The following PCDHGA8 variants were observed in gnomAD, a reference collection of about 807,000 sequenced individuals.
PCDHGA8 encodes protocadherin gamma-A8.
In PCDHGA8, 45 loss-of-function variants were observed where a neutral mutation model predicts 59.2. That is an observed-to-expected ratio of 0.76 (90% CI 0.60 to 0.98). The LOEUF is 0.98. PCDHGA8 is among the 50% of genes least tolerant of loss of function. The pLI, the probability that PCDHGA8 is intolerant of heterozygous loss-of-function variation, is 0.00. For missense variants in PCDHGA8, 1,257 were observed against 1,196.2 expected, an observed-to-expected ratio of 1.05 and a Z score of -0.75; for synonymous variants, 531 against 519.0, an observed-to-expected ratio of 1.02 and a Z score of -0.32.
At position 141,476,746 on chromosome 5, in the gene PCDHGA8, C is replaced by A; in HGVS notation, c.2425-18061C>A. 1 of 1,614,068 alleles carries A rather than the reference C, an allele frequency of 6.2e-7. No homozygotes were observed. On this transcript the variant is annotated intron_variant, in intron 1 of 3. Transcript: ENST00000398604. The surrounding 1 kb of genome is among the most constrained non-coding windows in gnomAD (Gnocchi z 7.6). ...TGGACCGAGAACGGGAGCCTAGTCT[C>A]CAGTTAGTGCTGACGGCGTTGGACG...
At position 141,392,860 on chromosome 5, in the gene PCDHGA8, T is replaced by A. The variant is rs726684; in HGVS notation, c.47T>A (p.Leu16Gln). Residue 16 changes from leucine (L) to glutamine (Q), a missense_variant, in exon 1 of 4, where the codon CTG (leucine) becomes CAG (glutamine). Transcript: ENST00000398604. ...SRPRRGELILLCALLGTLWEI... is the reference protein window; with the variant it reads ...SRPRRGELILQCALLGTLWEI... ...CCCAGACGCGGCGAGCTGATCCTGC[T>A]GTGCGCGCTGCTGGGAACGCTGTGG... 2.5e-6 allele frequency: 4 copies of A among 1,612,016 alleles called. No individual in the cohort carries two copies. Among genetic ancestry groups the A allele is most frequent in the Admixed American group, 3.4e-5 (2 of 59,682 alleles).
rs1029080327 is a variant in PCDHGA8 at position 141,512,737 on chromosome 5, G to C, written c.*1564G>C. 6.5e-5 allele frequency: 10 copies of C among 152,868 alleles called. No individual in the cohort carries two copies. The highest frequency in any genetic ancestry group is 2.4e-4 in the African/African-American group (10 of 41,472). 9.5% of individuals were successfully genotyped at this position (152,868 alleles called of 1,614,324 possible). On this transcript the variant is annotated 3_prime_UTR_variant, in exon 4 of 4. Transcript: ENST00000398604. Reference sequence around the variant, plus strand: ...ATGGCGGGTGGGCAGCGGGCGGCGGGCTCCGCGCAGCCGTCTGTCCTTGAT... The same window carrying C: ...ATGGCGGGTGGGCAGCGGGCGGCGGCCTCCGCGCAGCCGTCTGTCCTTGAT...
At chr5:141,410,260 T>C in intron 1 of PCDHGA8, 1 of 1,614,054 alleles carries the variant, frequency 6.2e-7, no homozygotes, top group Non-Finnish European at 8.5e-7. Context: ...ACCCCCAGGC[T>C]GAACTGCAGT....
intron 1 of PCDHGA8, among the ~76,000 whole-genome samples, chr5:141,450,829 A>AT (rs373424450): frequency 7.2e-4 from 97 of 135,128 alleles, no homozygotes; most frequent in East Asian, 1.8e-3. Flanking sequence ...TATTATTATT[A>AT]TTTTTTTTTT....
intron 1 of PCDHGA8, chr5:141,415,073 C>G: frequency 1.9e-6 from 3 of 1,613,434 alleles, no homozygotes; most frequent in Non-Finnish European, 2.5e-6. Flanking sequence ...GTGCGCACGG[C>G]GCGAGCCCTG....
chr5:141,476,551 C>A lies in PCDHGA8; in HGVS notation c.2425-18256C>A, dbSNP rs367700651. 6.2e-7 allele frequency: 1 copy of A among 1,614,196 alleles called. No individual in the cohort carries two copies. The highest frequency in any genetic ancestry group is 1.7e-5 in the Admixed American group (1 of 60,028). ...CCCAGGAAATGAAATTGGAGATTAG[C>A]GAGGCCGTGGCTCCGGGGACGCGCT... On this transcript the variant is annotated intron_variant, in intron 1 of 3. Transcript: ENST00000398604. This position sits in a 1 kb window ranked among gnomAD's most constrained non-coding sequence, Gnocchi z 7.6.
chr5:141,414,251 C>T, intron 1 of PCDHGA8: 3 of 1,613,346 alleles, frequency 1.9e-6, no homozygotes, highest in Non-Finnish European at 2.5e-6. Context: ...CTATTTAGTC[C>T]AGTGACTGAA....
At chr5:141,423,444 A>C (rs1340932902) in intron 1 of PCDHGA8, 1 of 1,614,050 alleles carries the variant, frequency 6.2e-7, no homozygotes. Flanking sequence ...TGCCCACGTC[A>C]CATTTTGTAG....
At position 141,491,117 on chromosome 5, in the gene PCDHGA8, G is replaced by A; in HGVS notation, c.2425-3690G>A. ...CTGTTCCTCGTGTCTACACACACTGGTGAGGTGCGCACAGCCCGGGCCTTA... is the reference window on the plus strand; with the variant it reads ...CTGTTCCTCGTGTCTACACACACTGATGAGGTGCGCACAGCCCGGGCCTTA... On this transcript the variant is annotated intron_variant, in intron 1 of 3. Coordinates refer to ENST00000398604, the MANE Select transcript of PCDHGA8 (RefSeq NM_032088.2). The surrounding 1 kb of genome is among the most constrained non-coding windows in gnomAD (Gnocchi z 6.9). 1 of 1,614,196 alleles carries A rather than the reference G, an allele frequency of 6.2e-7. No homozygotes were observed.
intron 3 of PCDHGA8, among the ~76,000 whole-genome samples, chr5:141,509,636 C>T (rs1199892148): frequency 6.6e-6 from 1 of 152,164 alleles, no homozygotes; most frequent in Non-Finnish European, 1.5e-5. Context: ...TGATGCTGAG[C>T]CAGGGCCAGA....
At chr5:141,407,179 C>T (rs566759065) in intron 1 of PCDHGA8, among the ~76,000 whole-genome samples, 2 of 152,256 alleles carry the variant, frequency 1.3e-5, no homozygotes, top group South Asian at 2.1e-4. Context: ...GACATACAGA[C>T]ATTTTAATTA....
At chr5:141,443,538 G>C (rs768723399) in intron 1 of PCDHGA8, among the ~76,000 whole-genome samples, 11 of 152,118 alleles carry the variant, frequency 7.2e-5, no homozygotes. Flanking sequence ...TTTAAAGCTT[G>C]GGAAATTGTT....
chr5:141,439,965 T>C (rs1212358198), intron 1 of PCDHGA8: 1 of 152,760 alleles, frequency 6.5e-6, no homozygotes, highest in Non-Finnish European at 1.5e-5. Flanking sequence ...CGTTATTCAG[T>C]CCTAGAGGAG....
At chr5:141,421,776 G>A in intron 1 of PCDHGA8, 5 of 1,613,876 alleles carry the variant, frequency 3.1e-6, no homozygotes, top group Non-Finnish European at 3.4e-6. Context: ...CCTTGCAACT[G>A]CGGGGCAGAA....
At chr5:141,402,260 A>C (rs2094244604) in intron 1 of PCDHGA8, among the ~76,000 whole-genome samples, 2 of 152,144 alleles carry the variant, frequency 1.3e-5, no homozygotes, top group South Asian at 4.1e-4. Context: ...AACCCCAGAA[A>C]ATAATTTCAA....
At chr5:141,499,908 G>T (rs903753761) in intron 2 of PCDHGA8, among the ~76,000 whole-genome samples, 1 of 151,980 alleles carries the variant, frequency 6.6e-6, no homozygotes, top group African/African-American at 2.4e-5. Flanking sequence ...GGCTGGTCTT[G>T]AACTCCTGGC....
At chr5:141,474,156 A>T (rs1387216017) in intron 1 of PCDHGA8, among the ~76,000 whole-genome samples, 1 of 152,244 alleles carries the variant, frequency 6.6e-6, no homozygotes, top group Non-Finnish European at 1.5e-5. Context: ...CAAGAAAATG[A>T]CAGGCCTTAT....
Position 141,393,633 on chromosome 5 carries a change from A to G in PCDHGA8, c.820A>G (p.Asn274Asp), listed in dbSNP as rs376168054. Reference protein sequence around the residue: ...VTASDPDEGINGKVAYKFRKI... With the variant: ...VTASDPDEGIDGKVAYKFRKI... The stretch of plus-strand genomic sequence containing the variant: ...AGCCAGCGACCCGGATGAGGGAATC[A>G]ACGGAAAAGTGGCATACAAATTCCG... Residue 274 changes from asparagine to aspartate, a missense_variant, in exon 1 of 4, where the codon AAC becomes GAC. Transcript: ENST00000398604. 8 of 1,613,854 alleles carry G rather than the reference A, an allele frequency of 5.0e-6. No homozygotes were observed. The highest frequency in any genetic ancestry group is 1.3e-5 in the African/African-American group (1 of 74,956).
intron 1 of PCDHGA8, among the ~76,000 whole-genome samples, chr5:141,449,003 T>A (rs2098622649): frequency 1.3e-5 from 2 of 152,280 alleles, no homozygotes; most frequent in African/African-American, 4.8e-5. Context: ...AAAGCTGTTT[T>A]TTTTAACAGT....
Sources: allele counts gnomAD v4.1 joint callset (sites outside exome capture counted in the v4.1 genomes callset), GRCh38; gene constraint gnomAD v4.1.1; non-coding constraint Gnocchi (gnomAD v3.1); transcripts MANE v1.5; gene names NCBI Gene and HGNC (gene_info 2026-07-23, HGNC 2026-07-21).